STK31: variants seen among roughly 807,000 people sequenced by gnomAD.
STK31 encodes serine/threonine-protein kinase 31.
A neutral mutation model predicts 129.7 loss-of-function variants in STK31; 89 were observed. The ratio of observed to expected loss-of-function variants is 0.69; its 90% CI spans 0.58 to 0.82. The LOEUF (loss-of-function observed/expected upper bound fraction) is 0.82, where lower values mean the gene tolerates loss of function less well. STK31 is among the 40% of genes least tolerant of loss of function. STK31 has a pLI of 0.00. For missense variants in STK31, 1,187 were observed against 1,176.4 expected (o/e 1.01, Z -0.13); for synonymous variants, 448 against 395.3 (o/e 1.13, Z -1.58).
chr7:23,764,191 T>C (rs1562582710), intron 11 of STK31, among the ~76,000 whole-genome samples: 1 of 152,230 alleles, frequency 6.6e-6, no homozygotes, highest in Admixed American at 6.5e-5. Context: ...AGGGCAGTAA[T>C]ATAGTAAGAA....
intron 16 of STK31, among the ~76,000 whole-genome samples, chr7:23,782,494 A>T (rs1489730205): frequency 2.8e-5 from 4 of 144,442 alleles, no homozygotes; most frequent in African/African-American, 1.0e-4. Flanking sequence ...AAAAAAAAAG[A>T]AAAGAAAAGA....
chr7:23,756,789 C>T (rs530468104), intron 10 of STK31, among the ~76,000 whole-genome samples: 5 of 152,226 alleles, frequency 3.3e-5, no homozygotes, highest in Admixed American at 2.6e-4. Flanking sequence ...TGATGGATTA[C>T]GTTTATTGAT....
chr7:23,772,155 G>A lies in STK31; in HGVS notation c.1842G>A (p.Lys614=). 6.4e-7 allele frequency: 1 copy of A among 1,564,484 alleles called. No homozygotes were observed. Among genetic ancestry groups the A allele is most frequent in the East Asian group, 2.3e-5 (1 of 43,758 alleles). ...AACTTTTGTTTACTTAGTTTAAAAA[G>A]CAGCTTATTGAATATTTAAATAAGA... is the stretch of plus-strand genomic sequence containing the variant. ...AKYKDSIEFK[K]QLIEYLNKSP... is the part of the protein sequence containing the mutation. Residue 614 remains lysine, a synonymous_variant, in exon 15 of 24, where the codon AAG becomes AAA. Transcript: ENST00000355870.
intron 4 of STK31, among the ~76,000 whole-genome samples, chr7:23,720,820 C>T (rs984743307): frequency 1.3e-5 from 2 of 151,960 alleles, no homozygotes; most frequent in African/African-American, 4.8e-5. Flanking sequence ...ATATATTACC[C>T]CGGAATATAT....
chr7:23,764,436 A>C (rs114156509), intron 11 of STK31, among the ~76,000 whole-genome samples: 1 of 152,254 alleles, frequency 6.6e-6, no homozygotes, highest in African/African-American at 2.4e-5. Context: ...AATAGTTTAT[A>C]TTTTTCAAGT....
At chr7:23,804,111 T>A (rs919323144) in intron 22 of STK31, among the ~76,000 whole-genome samples, 1 of 152,032 alleles carries the variant, frequency 6.6e-6, no homozygotes, top group Admixed American at 6.6e-5. Flanking sequence ...AGAGATGGGG[T>A]CTCACTATAT....
rs138428190 is a variant in STK31, at chr7:23,762,986, G to A, written c.1416+63G>A. The A allele has an allele frequency of 3.1e-4, 433 of 1,378,906 alleles. 8 individuals carry two copies. The East Asian group carries it at 0.011, about 34-fold the overall frequency. 85.4% of individuals were successfully genotyped at this position (1,378,906 alleles called of 1,614,324 possible). On this transcript the variant is annotated intron_variant, in intron 11 of 23. Coordinates refer to ENST00000355870, the MANE Select transcript of STK31 (RefSeq NM_031414.5). ...TAAGTTTATTTAAGAAGTGAAATTA[G>A]CATTTACCTTAAGACTTTAGATTGT...
At chr7:23,832,007 A>C in intron 23 of STK31, 129 bp from the exon 24 acceptor site, 1 of 647,646 alleles carries the variant, frequency 1.5e-6, no homozygotes, top group Non-Finnish European at 2.7e-6. Context: ...GGAGTACCAG[A>C]TACCTCGTCA....
At chr7:23,753,038 G>C (rs1379617593) in intron 9 of STK31, among the ~76,000 whole-genome samples, 1 of 152,080 alleles carries the variant, frequency 6.6e-6, no homozygotes. Flanking sequence ...GAGCTAGAGT[G>C]TTCTAAGGTT....
At chr7:23,710,095 G>A, upstream of STK31, 1 of 947,468 alleles carries the variant, frequency 1.1e-6, no homozygotes, top group Non-Finnish European at 1.6e-6. Flanking sequence ...GGGGTCGGCA[G>A]CAGCCAGCGT....
intron 4 of STK31, among the ~76,000 whole-genome samples, chr7:23,723,174 G>A (rs1584329220): frequency 6.6e-6 from 1 of 152,128 alleles, no homozygotes; most frequent in Non-Finnish European, 1.5e-5. Flanking sequence ...TCAGACTGGA[G>A]CTGTTCCTAT....
At chr7:23,792,336 A>G (rs1791671126) in intron 22 of STK31, among the ~76,000 whole-genome samples, 1 of 152,230 alleles carries the variant, frequency 6.6e-6, no homozygotes. Context: ...AACAAATAAT[A>G]GGAAATTAAA....
chr7:23,740,742 G>A (rs543312485), intron 8 of STK31, among the ~76,000 whole-genome samples: 6 of 152,092 alleles, frequency 3.9e-5, no homozygotes, highest in Admixed American at 6.5e-5. Context: ...GAGAACATGC[G>A]GTGTTTGGTT....
intron 5 of STK31, among the ~76,000 whole-genome samples, chr7:23,728,232 A>G (rs1381456193): frequency 6.6e-6 from 1 of 151,638 alleles, no homozygotes; most frequent in South Asian, 2.1e-4. Context: ...TGTTTTTTCT[A>G]CACCTCCTTT....
intron 15 of STK31, among the ~76,000 whole-genome samples, chr7:23,777,140 G>C (rs1235869893): frequency 2.0e-5 from 3 of 152,192 alleles, no homozygotes; most frequent in Non-Finnish European, 4.4e-5. Context: ...TTTTCAGAGA[G>C]TTTCTCAATC....
At chr7:23,795,524 T>C (rs148090935) in intron 22 of STK31, among the ~76,000 whole-genome samples, 1 of 152,302 alleles carries the variant, frequency 6.6e-6, no homozygotes, top group Non-Finnish European at 1.5e-5. Flanking sequence ...CCAACTGGTG[T>C]ACTGCCTAGT....
intron 8 of STK31, among the ~76,000 whole-genome samples, chr7:23,742,889 G>A (rs1188278765): frequency 6.6e-6 from 1 of 151,584 alleles, no homozygotes; most frequent in Non-Finnish European, 1.5e-5. Flanking sequence ...TGTTTCTGTA[G>A]TGGGAACATT....
At chr7:23,786,996 A>T in intron 20 of STK31, 72 bp downstream of exon 20, 2 of 1,413,062 alleles carry the variant, frequency 1.4e-6, no homozygotes, top group South Asian at 2.4e-5. Flanking sequence ...TTATTCAGGC[A>T]TACTACATGC....
chr7:23,735,711 C>T lies in STK31; in HGVS notation c.657C>T (p.Asp219=). The change falls in exon 7 of 24, where the codon GAC becomes GAT. Residue 219 remains aspartate (D), a synonymous_variant. Coordinates refer to ENST00000355870, the MANE Select transcript of STK31 (RefSeq NM_031414.5). Reference sequence around the variant, plus strand: ...AATGCAGACTTGCTTCCAGAACTGACATCTGTGAGGAAAAAAAATTGGATC... The same window carrying T: ...AATGCAGACTTGCTTCCAGAACTGATATCTGTGAGGAAAAAAAATTGGATC... The part of the protein sequence containing the change: ...AEKCRLASRT[D]ICEEKKLDPG... 1 of 1,614,016 alleles carries T rather than the reference C, an allele frequency of 6.2e-7. No individual in the cohort carries two copies. Among genetic ancestry groups the T allele is most frequent in the South Asian group, 1.1e-5 (1 of 91,084 alleles).
Sources: gnomAD v4.1 joint callset for allele counts (sites outside exome capture counted in the v4.1 genomes callset) on GRCh38, gnomAD v4.1.1 for gene constraint, MANE v1.5 for transcripts, NCBI Gene and HGNC (gene_info 2026-07-23, HGNC 2026-07-21) for gene names.